The following CSMD3 variants were observed in gnomAD, a reference collection of about 807,000 sequenced individuals.
The protein encoded by CSMD3 is CUB and Sushi multiple domains 3, also known as CUB and sushi domain-containing protein 3.
A neutral mutation model predicts 435.2 loss-of-function variants in CSMD3; 177 were observed. The ratio of observed to expected loss-of-function variants is 0.41; its 90% CI spans 0.36 to 0.46. The LOEUF is 0.46. Ranked by LOEUF, CSMD3 falls within the 20% of genes least tolerant of loss-of-function variation. The probability of loss-of-function intolerance (pLI) is 0.34; values close to 1 mark genes in which losing one functional copy is unlikely to be tolerated. For synonymous variants in CSMD3, 1,656 were observed against 1,520.5 expected (o/e 1.09, Z -2.07); for missense variants, 4,265 against 4,504.6 (o/e 0.95, Z 1.52).
intron 3 of CSMD3, among the ~76,000 whole-genome samples, chr8:113,272,123 T>C (rs2093532810): frequency 6.6e-6 from 1 of 152,174 alleles, no homozygotes; most frequent in African/African-American, 2.4e-5. Flanking sequence ...CTTTTGATTT[T>C]ATGGGCTCAT....
intron 22 of CSMD3, among the ~76,000 whole-genome samples, chr8:112,618,762 T>C (rs1833844485): frequency 1.3e-5 from 2 of 152,180 alleles, no homozygotes; most frequent in East Asian, 3.9e-4. Flanking sequence ...ATCAGTATCA[T>C]AGAGAGGAGG....
intron 38 of CSMD3, among the ~76,000 whole-genome samples, chr8:112,377,375 G>C (rs530179313): frequency 4.6e-5 from 7 of 151,998 alleles, no homozygotes; most frequent in African/African-American, 1.4e-4. Flanking sequence ...TCCCAACAAA[G>C]AAAGGCACAG....
chr8:112,466,062 A>G (rs1817928364), intron 32 of CSMD3, among the ~76,000 whole-genome samples: 1 of 152,188 alleles, frequency 6.6e-6, no homozygotes, highest in African/African-American at 2.4e-5. Context: ...TTTTGAATAA[A>G]CACACATATT....
intron 10 of CSMD3, among the ~76,000 whole-genome samples, chr8:112,908,928 C>T (rs1299624857): frequency 2.0e-5 from 3 of 151,394 alleles, no homozygotes; most frequent in Non-Finnish European, 4.4e-5. Flanking sequence ...AAAGTAAATA[C>T]AAATAATGGT....
intron 3 of CSMD3, among the ~76,000 whole-genome samples, chr8:113,270,117 GA>G (rs1294570272): frequency 1.3e-5 from 2 of 151,646 alleles, no homozygotes; most frequent in African/African-American, 4.8e-5. Context: ...AAATTTACAA[GA>G]AAAAAACAAC....
intron 1 of CSMD3, among the ~76,000 whole-genome samples, chr8:113,328,916 T>A (rs560019223): frequency 6.6e-6 from 1 of 151,370 alleles, no homozygotes; most frequent in South Asian, 2.1e-4. Flanking sequence ...AATTTTTGTA[T>A]TTTTTTGTAG....
intron 31 of CSMD3, among the ~76,000 whole-genome samples, chr8:112,483,251 G>T (rs1819803080): frequency 6.6e-6 from 1 of 152,152 alleles, no homozygotes; most frequent in South Asian, 2.1e-4. Context: ...AGAGCTCTGG[G>T]AGGCAGAGTC....
intron 45 of CSMD3, among the ~76,000 whole-genome samples, chr8:112,333,237 G>A (rs1466617423): frequency 1.3e-5 from 2 of 152,064 alleles, no homozygotes; most frequent in East Asian, 1.9e-4. Flanking sequence ...GCGCCATCTC[G>A]GCTCACTGCA....
At chr8:113,219,391 C>A (rs985865577) in intron 3 of CSMD3, among the ~76,000 whole-genome samples, 2 of 150,792 alleles carry the variant, frequency 1.3e-5, no homozygotes, top group East Asian at 3.9e-4. Flanking sequence ...GCAAATAGAA[C>A]ACTAAATGCA....
At chr8:112,240,929 T>C (rs1322596764) in intron 66 of CSMD3, among the ~76,000 whole-genome samples, 1 of 152,032 alleles carries the variant, frequency 6.6e-6, no homozygotes, top group Non-Finnish European at 1.5e-5. Context: ...TGCTCCTACT[T>C]GTCTTCCTCC....
At chr8:113,316,172 A>C (rs973159652) in intron 1 of CSMD3, among the ~76,000 whole-genome samples, 4 of 152,166 alleles carry the variant, frequency 2.6e-5, no homozygotes, top group African/African-American at 9.7e-5. Flanking sequence ...AGTTCTCATG[A>C]GAAACTCTTC....
At chr8:113,378,762 A>AGTGTGT (rs5894145) in intron 1 of CSMD3, among the ~76,000 whole-genome samples, 3,086 of 148,234 alleles carry the variant, frequency 0.021, 88 homozygotes, top group African/African-American at 0.059. Flanking sequence ...GTCACACTGA[A>AGTGTGT]GTGTGTGTGT....
chr8:112,421,469 G>T (rs922477096), intron 32 of CSMD3, among the ~76,000 whole-genome samples: 8 of 151,084 alleles, frequency 5.3e-5, no homozygotes, highest in Non-Finnish European at 1.0e-4. Context: ...ACTGGAACCC[G>T]GGAGCCACAG....
chr8:112,703,038 C>CA (rs768320812), intron 13 of CSMD3, among the ~76,000 whole-genome samples: 4 of 152,096 alleles, frequency 2.6e-5, no homozygotes, highest in Non-Finnish European at 5.9e-5. Flanking sequence ...ATTAAACACA[C>CA]AAAAAATTTA....
At chr8:112,285,458 T>C (rs1819094747) in intron 58 of CSMD3, among the ~76,000 whole-genome samples, 1 of 152,100 alleles carries the variant, frequency 6.6e-6, no homozygotes, top group South Asian at 2.1e-4. Context: ...TAACTATCTT[T>C]TCTAGAATAT....
At position 113,436,876 on chromosome 8, in the gene CSMD3, C is replaced by A. The variant is rs1460091842; in HGVS notation, c.-22G>T. On this transcript the variant is annotated 5_prime_UTR_variant, in exon 1 of 71. Coordinates refer to ENST00000297405, the MANE Select transcript of CSMD3 (RefSeq NM_198123.2). Reference sequence around the variant, plus strand: ...TCATATTATTCGCGAGCTCCTAATTCCTGCTCCTCAGCCCGGCGCAGTGGA... The same window carrying A: ...TCATATTATTCGCGAGCTCCTAATTACTGCTCCTCAGCCCGGCGCAGTGGA... 3 of 1,613,230 alleles carry A rather than the reference C, an allele frequency of 1.9e-6. No individual in the cohort carries two copies. Among genetic ancestry groups the A allele is most frequent in the Non-Finnish European group, 2.5e-6 (3 of 1,179,976 alleles).
At chr8:112,899,692 C>CAT (rs879630774) in intron 10 of CSMD3, among the ~76,000 whole-genome samples, 2 of 133,830 alleles carry the variant, frequency 1.5e-5, no homozygotes, top group Middle Eastern at 3.5e-3. Flanking sequence ...CACACACACA[C>CAT]GTATATAGCC....
intron 45 of CSMD3, among the ~76,000 whole-genome samples, chr8:112,329,981 C>G (rs977165936): frequency 5.9e-5 from 9 of 151,998 alleles, no homozygotes; most frequent in African/African-American, 2.2e-4. Context: ...GTCCATACCC[C>G]CGTTCTCTCT....
intron 30 of CSMD3, among the ~76,000 whole-genome samples, chr8:112,503,120 C>G (rs1364531113): frequency 4.6e-5 from 7 of 152,320 alleles, no homozygotes; most frequent in Admixed American, 3.3e-4. Flanking sequence ...CGGTCTTGCT[C>G]TCCCAGGCTG....
Sources: gnomAD v4.1 joint callset for allele counts (sites outside exome capture counted in the v4.1 genomes callset) on GRCh38, gnomAD v4.1.1 for gene constraint, MANE v1.5 for transcripts, NCBI Gene and HGNC (gene_info 2026-07-23, HGNC 2026-07-21) for gene names.